Variants in MIPOL1 observed in about 807,000 individuals in gnomAD.
The protein encoded by MIPOL1 is mirror-image polydactyly 1, also known as mirror-image polydactyly gene 1 protein.
Under a neutral mutation model 60.9 loss-of-function variants are expected in MIPOL1, and 57 were observed. The ratio of observed to expected loss-of-function variants is 0.94; its 90% CI spans 0.76 to 1.17. The LOEUF is 1.17. MIPOL1 is among the 50% of genes most tolerant of loss of function. MIPOL1 has a pLI of 0.00. For missense variants in MIPOL1, 551 were observed against 511.6 expected, an observed-to-expected ratio of 1.08 and a Z score of -0.74; for synonymous variants, 179 against 168.8, an observed-to-expected ratio of 1.06 and a Z score of -0.47.
At chr14:37,419,694 A>G (rs1376645501) in intron 10 of MIPOL1, among the ~76,000 whole-genome samples, 1 of 152,078 alleles carries the variant, frequency 6.6e-6, no homozygotes, top group Non-Finnish European at 1.5e-5. Flanking sequence ...GGGAAGGAAG[A>G]AAGGGATGTG....
chr14:37,246,549 T>C (rs949623966), intron 1 of MIPOL1, among the ~76,000 whole-genome samples: 1 of 152,184 alleles, frequency 6.6e-6, no homozygotes, highest in East Asian at 1.9e-4. Flanking sequence ...AGCATTTTAC[T>C]ACATCAGTCT....
At chr14:37,385,636 A>T (rs1429475488) in intron 10 of MIPOL1, 2 of 152,100 alleles carry the variant, frequency 1.3e-5, no homozygotes, top group Middle Eastern at 3.4e-3. Context: ...TATACATTTT[A>T]TCCCTATACA....
At chr14:37,477,110 G>A (rs190914287) in intron 11 of MIPOL1, among the ~76,000 whole-genome samples, 7 of 152,018 alleles carry the variant, frequency 4.6e-5, no homozygotes, top group Non-Finnish European at 8.8e-5. Context: ...ATGTTGGCCA[G>A]GCTGGTCTTG....
At chr14:37,281,651 C>T (rs184408072) in intron 6 of MIPOL1, among the ~76,000 whole-genome samples, 33 of 152,226 alleles carry the variant, frequency 2.2e-4, no homozygotes, top group Admixed American at 2.0e-3. Context: ...GTGATCCACC[C>T]GCCTTGGCCT....
At chr14:37,392,952 A>C (rs1162619676) in intron 10 of MIPOL1, among the ~76,000 whole-genome samples, 1 of 152,154 alleles carries the variant, frequency 6.6e-6, no homozygotes, top group Non-Finnish European at 1.5e-5. Context: ...TGGAAATAGG[A>C]TCTTCATAAA....
At chr14:37,353,527 A>G (rs1031963642) in intron 9 of MIPOL1, among the ~76,000 whole-genome samples, 2 of 151,740 alleles carry the variant, frequency 1.3e-5, no homozygotes, top group African/African-American at 4.8e-5. Context: ...CTGTGAATCC[A>G]TCTGGTCCTG....
chr14:37,533,792 A>G (rs2095492924), intron 12 of MIPOL1, among the ~76,000 whole-genome samples: 1 of 152,208 alleles, frequency 6.6e-6, no homozygotes, highest in South Asian at 2.1e-4. Flanking sequence ...TGCTTCTTCC[A>G]TAGAAGATGC....
intron 12 of MIPOL1, among the ~76,000 whole-genome samples, chr14:37,521,893 A>AAAAT (rs371492296): frequency 5.5e-4 from 68 of 123,564 alleles, no homozygotes; most frequent in East Asian, 1.6e-3. Flanking sequence ...AAGAAAAAAA[A>AAAAT]ATATATATAT....
chr14:37,336,519 C>A (rs573461243), intron 9 of MIPOL1, among the ~76,000 whole-genome samples: 13 of 151,460 alleles, frequency 8.6e-5, no homozygotes, highest in African/African-American at 3.1e-4. Context: ...TTTGGAATTT[C>A]TTTTTCGTTC....
At chr14:37,235,591 A>G (rs1971335004) in intron 1 of MIPOL1, among the ~76,000 whole-genome samples, 1 of 152,188 alleles carries the variant, frequency 6.6e-6, no homozygotes, top group Non-Finnish European at 1.5e-5. Flanking sequence ...TGTGTATCAT[A>G]AAATGTACAT....
At chr14:37,233,706 G>A (rs1471189533) in intron 1 of MIPOL1, among the ~76,000 whole-genome samples, 1 of 152,190 alleles carries the variant, frequency 6.6e-6, no homozygotes, top group African/African-American at 2.4e-5. Context: ...CTTGTTTGAT[G>A]AGAGGAATGA....
rs961110986 is a variant in MIPOL1, at chr14:37,551,048, A to G, written c.*4077A>G. Reference sequence around the variant, plus strand: ...GTATTTTTGAGAATCATTAAAATGTATACAATGATATTCCTTTGCAGAAGT... The same window carrying G: ...GTATTTTTGAGAATCATTAAAATGTGTACAATGATATTCCTTTGCAGAAGT... On this transcript the variant is annotated 3_prime_UTR_variant, in exon 13 of 13. Transcript: ENST00000684589. The G allele has an allele frequency of 1.3e-5, 2 of 152,144 alleles. No individual in the cohort carries two copies. The highest frequency in any genetic ancestry group is 4.8e-5 in the African/African-American group (2 of 41,460). 9.4% of individuals were successfully genotyped at this position (152,144 alleles called of 1,614,324 possible).
chr14:37,500,155 T>A lies in MIPOL1; in HGVS notation c.1262+17T>A. ...AGTTCAAAAGTAAGTTAAATGATCTTGTAATAATACTTCAAACACATGAAA... is the reference window on the plus strand; with the variant it reads ...AGTTCAAAAGTAAGTTAAATGATCTAGTAATAATACTTCAAACACATGAAA... On this transcript the variant is annotated intron_variant, in intron 12 of 12. Coordinates refer to ENST00000684589, the MANE Select transcript of MIPOL1 (RefSeq NM_001388067.1). The A allele has an allele frequency of 6.6e-7, 1 of 1,505,594 alleles. No homozygotes were observed. The highest frequency in any genetic ancestry group is 9.2e-7 in the Non-Finnish European group (1 of 1,092,022). 93.3% of individuals were successfully genotyped at this position (1,505,594 alleles called of 1,614,324 possible).
chr14:37,253,483 G>A (rs932718374), intron 3 of MIPOL1, among the ~76,000 whole-genome samples: 32 of 151,670 alleles, frequency 2.1e-4, no homozygotes, highest in African/African-American at 6.3e-4. Context: ...CCACCAGTGT[G>A]ATGGTGGTAG....
At chr14:37,390,295 T>G (rs918113294) in intron 10 of MIPOL1, among the ~76,000 whole-genome samples, 3 of 152,042 alleles carry the variant, frequency 2.0e-5, no homozygotes, top group Non-Finnish European at 4.4e-5. Context: ...ATTAAAATGA[T>G]CAGCCCCACT....
intron 9 of MIPOL1, among the ~76,000 whole-genome samples, chr14:37,317,228 T>C (rs2088010615): frequency 6.6e-6 from 1 of 152,134 alleles, no homozygotes; most frequent in African/African-American, 2.4e-5. Context: ...TTAATTTAGA[T>C]TTTCAGTGGA....
chr14:37,295,468 T>G (rs1818965430), intron 7 of MIPOL1, among the ~76,000 whole-genome samples: 1 of 152,102 alleles, frequency 6.6e-6, no homozygotes, highest in African/African-American at 2.4e-5. Flanking sequence ...TAACCTTAAA[T>G]GTAAATGGGC....
At chr14:37,415,478 A>T (rs2093750525) in intron 10 of MIPOL1, among the ~76,000 whole-genome samples, 1 of 151,698 alleles carries the variant, frequency 6.6e-6, no homozygotes, top group Non-Finnish European at 1.5e-5. Flanking sequence ...AAATACAAAA[A>T]ATTAGCCAGG....
intron 1 of MIPOL1, among the ~76,000 whole-genome samples, chr14:37,208,293 C>T (rs1417349482): frequency 6.6e-6 from 1 of 152,058 alleles, no homozygotes; most frequent in African/African-American, 2.4e-5. Flanking sequence ...TTACTGGAAT[C>T]CTTAATGCTG....
Sources: allele counts gnomAD v4.1 joint callset (sites outside exome capture counted in the v4.1 genomes callset), GRCh38; gene constraint gnomAD v4.1.1; transcripts MANE v1.5; gene names NCBI Gene and HGNC (gene_info 2026-07-23, HGNC 2026-07-21).